SMIM36: variants seen among roughly 807,000 people sequenced by gnomAD.
The protein encoded by SMIM36 is small integral membrane protein 36.
the SMIM36 span, among the ~76,000 whole-genome samples, chr17:55,530,253 G>C: frequency 2.6e-5 from 4 of 152,316 alleles, no homozygotes; most frequent in African/African-American, 9.6e-5. Flanking sequence ...TCGAGGGTAG[G>C]AGAGAGGAGG....
chr17:55,467,376 T>C (rs1478421073), intron 3 of SMIM36, 48 bp from the exon 4 acceptor site: 1 of 152,174 alleles, frequency 6.6e-6, no homozygotes, highest in African/African-American at 2.4e-5. Flanking sequence ...GTTGGAGCCT[T>C]ATATAGGAAG....
intron 4 of SMIM36, among the ~76,000 whole-genome samples, chr17:55,453,747 T>C (rs1194986724): frequency 6.6e-6 from 1 of 152,206 alleles, no homozygotes; most frequent in Non-Finnish European, 1.5e-5. Context: ...TATTTATTAG[T>C]TCTACTATTA....
chr17:55,454,985 T>TA (rs1386983810), intron 4 of SMIM36, among the ~76,000 whole-genome samples: 1 of 152,220 alleles, frequency 6.6e-6, no homozygotes, highest in Non-Finnish European at 1.5e-5. Context: ...CTGCAATGGA[T>TA]AGTCTTAGAG....
At chr17:55,490,212 T>C (rs1353925796) in intron 1 of SMIM36, among the ~76,000 whole-genome samples, 1 of 152,066 alleles carries the variant, frequency 6.6e-6, no homozygotes, top group Non-Finnish European at 1.5e-5. Context: ...GTTAGTTGCA[T>C]CATCAAAAGC....
intron 4 of SMIM36, among the ~76,000 whole-genome samples, chr17:55,455,215 A>G (rs928301173): frequency 1.3e-5 from 2 of 152,222 alleles, no homozygotes; most frequent in African/African-American, 2.4e-5. Context: ...GAAATATGAT[A>G]GGGAATACAT....
intron 2 of SMIM36, among the ~76,000 whole-genome samples, chr17:55,479,053 T>C (rs1171711342): frequency 6.6e-6 from 1 of 152,162 alleles, no homozygotes; most frequent in Non-Finnish European, 1.5e-5. Context: ...CTCAATAGGA[T>C]AGCGTCACCC....
At chr17:55,496,649 C>T (rs1000239397) in intron 1 of SMIM36, among the ~76,000 whole-genome samples, 14 of 152,184 alleles carry the variant, frequency 9.2e-5, no homozygotes, top group Non-Finnish European at 1.9e-4. Flanking sequence ...TTGGGCAATA[C>T]TTGTCTGTGT....
chr17:55,518,166 T>A, the SMIM36 span, among the ~76,000 whole-genome samples: 216 of 152,258 alleles, frequency 1.4e-3, 8 homozygotes, highest in South Asian at 0.041. Flanking sequence ...TGCTGTGTCA[T>A]CCCATGGTAG....
intron 1 of SMIM36, among the ~76,000 whole-genome samples, chr17:55,496,270 T>C (rs757161883): frequency 3.9e-5 from 6 of 152,162 alleles, no homozygotes; most frequent in African/African-American, 1.2e-4. Flanking sequence ...GAGCTTTGTA[T>C]TGTACGCCTG....
At chr17:55,487,605 C>G (rs1909629726) in intron 1 of SMIM36, among the ~76,000 whole-genome samples, 1 of 152,078 alleles carries the variant, frequency 6.6e-6, no homozygotes, top group Non-Finnish European at 1.5e-5. Context: ...AGGATAGCAA[C>G]AAATGAAGCT....
At chr17:55,501,433 A>ATTAT (rs1173899330) in intron 1 of SMIM36, among the ~76,000 whole-genome samples, 43 of 70,036 alleles carry the variant, frequency 6.1e-4, no homozygotes, top group African/African-American at 2.4e-3. Flanking sequence ...ATATATTATT[A>ATTAT]TATATTATAA....
chr17:55,466,457 A>C (rs1208383398), intron 4 of SMIM36, among the ~76,000 whole-genome samples: 1 of 152,142 alleles, frequency 6.6e-6, no homozygotes, highest in Non-Finnish European at 1.5e-5. Context: ...GCAGGGGTCC[A>C]TGATAAATGT....
At chr17:55,514,159 T>C (rs949624608), upstream of SMIM36, among the ~76,000 whole-genome samples, 3 of 152,138 alleles carry the variant, frequency 2.0e-5, no homozygotes, top group Non-Finnish European at 4.4e-5. Context: ...CCATCTTTCC[T>C]TCTTTTGCTG....
At chr17:55,489,013 C>A (rs1222336081) in intron 1 of SMIM36, among the ~76,000 whole-genome samples, 1 of 152,176 alleles carries the variant, frequency 6.6e-6, no homozygotes, top group East Asian at 1.9e-4. Context: ...ATTGTCACAA[C>A]TCTGCGGTAG....
At chr17:55,467,844 T>C (rs1008878414) in intron 3 of SMIM36, among the ~76,000 whole-genome samples, 2 of 151,974 alleles carry the variant, frequency 1.3e-5, no homozygotes, top group African/African-American at 4.8e-5. Flanking sequence ...ACAAAAGAAG[T>C]GAAAATAGGC....
the SMIM36 span, among the ~76,000 whole-genome samples, chr17:55,531,597 T>C: frequency 6.6e-6 from 1 of 152,252 alleles, no homozygotes; most frequent in Non-Finnish European, 1.5e-5. Flanking sequence ...GGACATGTTT[T>C]TATGTATTGG....
chr17:55,515,116 C>T (rs145263603), upstream of SMIM36, among the ~76,000 whole-genome samples: 553 of 47,418 alleles, frequency 0.012, 36 homozygotes, highest in East Asian at 0.28. Flanking sequence ...TTTTTTTTTG[C>T]GCTGGAACTA....
rs577037245 is a variant in SMIM36, at chr17:55,507,805, T to A, written c.*174+3074A>T. On this transcript the variant is annotated intron_variant, in intron 1 of 4. Transcript: ENST00000636752. ...CATGCGCACTTTACCTCTTCCGAAC[T>A]GCAATTCTCCCATTAGTTCAGTCCA... Among the ~76,000 whole-genome samples, 125 of 152,170 alleles carry A rather than the reference T, an allele frequency of 8.2e-4. 1 individual carries two copies. The highest frequency in any genetic ancestry group is 6.8e-3 in the Middle Eastern group (2 of 292).
At chr17:55,488,507 C>T (rs1467895721) in intron 1 of SMIM36, among the ~76,000 whole-genome samples, 1 of 152,166 alleles carries the variant, frequency 6.6e-6, no homozygotes, top group Non-Finnish European at 1.5e-5. Context: ...GTACATTATA[C>T]TTTTTGTAGC....
Sources: allele counts gnomAD v4.1 joint callset (sites outside exome capture counted in the v4.1 genomes callset), GRCh38; gene constraint gnomAD v4.1.1; transcripts MANE v1.5; gene names NCBI Gene and HGNC (gene_info 2026-07-23, HGNC 2026-07-21).